The following MCTP1 variants were observed in gnomAD, a reference collection of about 807,000 sequenced individuals.
MCTP1 encodes the protein multiple C2 and transmembrane domain-containing protein 1.
In MCTP1, 69 loss-of-function variants were observed where a neutral mutation model predicts 120.6. The ratio of observed to expected loss-of-function variants is 0.57; its 90% CI spans 0.47 to 0.70. The LOEUF is 0.70. Ranked by LOEUF, MCTP1 falls within the 30% of genes least tolerant of loss-of-function variation. The pLI is 0.00. For missense variants in MCTP1, 1,203 were observed against 1,248.8 expected (o/e 0.96, Z 0.55); for synonymous variants, 529 against 493.1 (o/e 1.07, Z -0.96).
At chr5:95,069,850 T>C (rs1313285749) in intron 1 of MCTP1, among the ~76,000 whole-genome samples, 1 of 151,928 alleles carries the variant, frequency 6.6e-6, no homozygotes, top group African/African-American at 2.4e-5. Flanking sequence ...AGGCACCCAC[T>C]ACCACGCCCG....
At chr5:95,281,457 C>T (rs1247653754) in intron 1 of MCTP1, among the ~76,000 whole-genome samples, 3 of 152,126 alleles carry the variant, frequency 2.0e-5, no homozygotes, top group Non-Finnish European at 2.9e-5. Flanking sequence ...CTGCTGAAAG[C>T]CATTATTTGT....
At chr5:95,073,838 T>C (rs771679713) in intron 1 of MCTP1, among the ~76,000 whole-genome samples, 3 of 152,100 alleles carry the variant, frequency 2.0e-5, no homozygotes, top group Non-Finnish European at 4.4e-5. Flanking sequence ...TTAAAATTTA[T>C]ACTCTTGCTC....
chr5:95,010,567 A>C (rs911356340), intron 2 of MCTP1, among the ~76,000 whole-genome samples: 15 of 152,176 alleles, frequency 9.9e-5, no homozygotes, highest in Non-Finnish European at 4.4e-5. Flanking sequence ...TTATCTATTT[A>C]AATATCTCTT....
intron 18 of MCTP1, among the ~76,000 whole-genome samples, chr5:94,793,763 T>G (rs1779442739): frequency 6.6e-6 from 1 of 152,240 alleles, no homozygotes; most frequent in Non-Finnish European, 1.5e-5. Flanking sequence ...CAGACTTCTT[T>G]GGAATGGAGA....
At chr5:94,800,115 G>C (rs1255094528) in intron 17 of MCTP1, among the ~76,000 whole-genome samples, 1 of 152,192 alleles carries the variant, frequency 6.6e-6, no homozygotes. Context: ...AAATGGGGAC[G>C]ATAGGATTAT....
At chr5:95,163,779 G>T (rs920585557) in intron 1 of MCTP1, among the ~76,000 whole-genome samples, 1 of 152,112 alleles carries the variant, frequency 6.6e-6, no homozygotes, top group Non-Finnish European at 1.5e-5. Context: ...CTAATCAGCC[G>T]TGTGGTCTTG....
At chr5:95,027,125 C>G (rs1033639995) in intron 1 of MCTP1, among the ~76,000 whole-genome samples, 3 of 152,180 alleles carry the variant, frequency 2.0e-5, no homozygotes, top group Non-Finnish European at 2.9e-5. Flanking sequence ...CAAGGAAACA[C>G]TATGATTATC....
intron 17 of MCTP1, among the ~76,000 whole-genome samples, chr5:94,819,389 T>G (rs976097696): frequency 6.6e-6 from 1 of 152,026 alleles, no homozygotes; most frequent in African/African-American, 2.4e-5. Flanking sequence ...CCTCGGCCTC[T>G]CAAAGTGCTG....
intron 17 of MCTP1, among the ~76,000 whole-genome samples, chr5:94,841,639 T>C (rs1037750532): frequency 5.3e-5 from 8 of 152,148 alleles, no homozygotes; most frequent in African/African-American, 1.9e-4. Context: ...TATATATACA[T>C]ATATAGATAC....
chr5:95,098,482 CA>C (rs1244548224), intron 1 of MCTP1, among the ~76,000 whole-genome samples: 1 of 151,974 alleles, frequency 6.6e-6, no homozygotes, highest in Non-Finnish European at 1.5e-5. Context: ...CAATAACAGA[CA>C]AACAGAGAGC....
chr5:94,947,538 T>G (rs1172254278), intron 3 of MCTP1, among the ~76,000 whole-genome samples: 1 of 120,312 alleles, frequency 8.3e-6, no homozygotes, highest in African/African-American at 3.1e-5. Context: ...TAAAAATATT[T>G]TAGTGTTAGT....
chr5:94,758,797 C>A (rs1038622589), intron 19 of MCTP1, among the ~76,000 whole-genome samples: 1 of 152,044 alleles, frequency 6.6e-6, no homozygotes, highest in Non-Finnish European at 1.5e-5. Flanking sequence ...ATTTTGTTAT[C>A]ATGGAGAAAA....
At chr5:94,938,172 G>C (rs1361463117) in intron 5 of MCTP1, among the ~76,000 whole-genome samples, 1 of 152,022 alleles carries the variant, frequency 6.6e-6, no homozygotes, top group East Asian at 1.9e-4. Context: ...TGCAGCCACA[G>C]AGGTATTTTC....
chr5:94,793,127 G>A (rs1442140767), intron 18 of MCTP1, among the ~76,000 whole-genome samples: 1 of 152,120 alleles, frequency 6.6e-6, no homozygotes, highest in Non-Finnish European at 1.5e-5. Flanking sequence ...GGACAGTGGT[G>A]GGGGGACTTG....
intron 1 of MCTP1, chr5:95,166,037 T>A (rs1454051429): frequency 2.0e-5 from 3 of 152,178 alleles, no homozygotes; most frequent in Non-Finnish European, 2.9e-5. Context: ...TGATATTAAA[T>A]CTGTGGCCAT....
chr5:95,221,833 C>T (rs1037004207), intron 1 of MCTP1, among the ~76,000 whole-genome samples: 3 of 152,174 alleles, frequency 2.0e-5, no homozygotes, highest in Non-Finnish European at 4.4e-5. Context: ...ATTCTCTAAT[C>T]ACTGAAGTCC....
intron 2 of MCTP1, among the ~76,000 whole-genome samples, chr5:95,005,084 G>C (rs1834438391): frequency 6.6e-6 from 1 of 152,220 alleles, no homozygotes; most frequent in Admixed American, 6.5e-5. Context: ...GTCTTCCCTG[G>C]ATGTGAGACA....
chr5:95,105,916 C>T (rs1757046350), intron 1 of MCTP1, among the ~76,000 whole-genome samples: 2 of 152,112 alleles, frequency 1.3e-5, no homozygotes, highest in South Asian at 4.2e-4. Context: ...TTATAGGTTT[C>T]GAGGCTCAGA....
chr5:94,886,734 G>A (rs1434792233), intron 12 of MCTP1, among the ~76,000 whole-genome samples: 4 of 152,098 alleles, frequency 2.6e-5, no homozygotes, highest in Admixed American at 2.6e-4. Flanking sequence ...AACTTGTAGA[G>A]GCTGACTGTT....
Sources: allele counts gnomAD v4.1 joint callset (sites outside exome capture counted in the v4.1 genomes callset), GRCh38; gene constraint gnomAD v4.1.1; transcripts MANE v1.5; gene names NCBI Gene and HGNC (gene_info 2026-07-23, HGNC 2026-07-21).